The following ELMO1 variants were observed in gnomAD, a reference collection of about 807,000 sequenced individuals.
The protein encoded by ELMO1 is engulfment and cell motility 1, also known as engulfment and cell motility protein 1.
ELMO1 carries 26 observed loss-of-function variants against 98.9 expected under a neutral mutation model. That is an observed-to-expected ratio of 0.26 (90% CI 0.19 to 0.36). The LOEUF is 0.36. ELMO1 is among the 10% of genes least tolerant of loss of function. The probability of loss-of-function intolerance (pLI) is 1.00; values close to 1 mark genes in which losing one functional copy is unlikely to be tolerated. For synonymous variants in ELMO1, 346 were observed against 346.0 expected, an observed-to-expected ratio of 1.00 and a Z score of 0.00; for missense variants, 627 against 935.2, an observed-to-expected ratio of 0.67 and a Z score of 4.30.
At chr7:36,916,433 C>G (rs1784696618) in intron 16 of ELMO1, among the ~76,000 whole-genome samples, 1 of 152,208 alleles carries the variant, frequency 6.6e-6, no homozygotes, top group Non-Finnish European at 1.5e-5. Context: ...CCTACCTTAT[C>G]AGGTTTTATA....
At chr7:37,347,624 C>T (rs567579997) in intron 1 of ELMO1, among the ~76,000 whole-genome samples, 18 of 152,294 alleles carry the variant, frequency 1.2e-4, no homozygotes, top group Admixed American at 8.5e-4. Context: ...TGTCTGCCGC[C>T]ATGTAAGAGC....
chr7:37,314,984 T>A, intron 3 of ELMO1, 62 bp from the exon 4 acceptor site: 2 of 1,491,640 alleles, frequency 1.3e-6, no homozygotes, highest in Non-Finnish European at 1.8e-6. Context: ...TTTTTACAAT[T>A]TTTTAGTGTT....
chr7:36,895,798 T>G (rs564638597), intron 16 of ELMO1, among the ~76,000 whole-genome samples: 3 of 152,340 alleles, frequency 2.0e-5, no homozygotes, highest in East Asian at 3.9e-4. Context: ...GCTTGCTGCT[T>G]CTTTTTTCAC....
chr7:37,232,431 G>C (rs891779822), intron 8 of ELMO1, among the ~76,000 whole-genome samples: 1 of 152,204 alleles, frequency 6.6e-6, no homozygotes, highest in African/African-American at 2.4e-5. Context: ...ACAAGATCAA[G>C]ACTGTTTATT....
chr7:37,131,970 C>T (rs770928129), intron 14 of ELMO1, among the ~76,000 whole-genome samples: 17 of 152,150 alleles, frequency 1.1e-4, no homozygotes, highest in Non-Finnish European at 1.6e-4. Flanking sequence ...ACTGTGCCGA[C>T]GGTCCCATAG....
At chr7:37,390,667 A>G (rs1048157229) in intron 1 of ELMO1, among the ~76,000 whole-genome samples, 1 of 152,158 alleles carries the variant, frequency 6.6e-6, no homozygotes, top group African/African-American at 2.4e-5. Flanking sequence ...TCAAAGACTA[A>G]TGTCAGAGTT....
chr7:36,980,208 T>C (rs907874994), intron 16 of ELMO1, among the ~76,000 whole-genome samples: 3 of 152,200 alleles, frequency 2.0e-5, no homozygotes, highest in Non-Finnish European at 2.9e-5. Context: ...ATTCCCTGTA[T>C]GCTTCTTTTC....
At chr7:37,045,037 G>T (rs147293521) in intron 15 of ELMO1, among the ~76,000 whole-genome samples, 80 of 152,286 alleles carry the variant, frequency 5.3e-4, no homozygotes, top group African/African-American at 1.8e-3. Flanking sequence ...AGCTATGAAT[G>T]CTTTACTAGC....
intron 13 of ELMO1, among the ~76,000 whole-genome samples, chr7:37,189,538 C>T (rs1290449980): frequency 1.3e-5 from 2 of 152,062 alleles, no homozygotes; most frequent in Admixed American, 1.3e-4. Context: ...ACATCAAGAC[C>T]TCTGGGAAGG....
chr7:37,383,273 C>T (rs1334006917), intron 1 of ELMO1, among the ~76,000 whole-genome samples: 1 of 152,192 alleles, frequency 6.6e-6, no homozygotes, highest in Non-Finnish European at 1.5e-5. Flanking sequence ...GATAGTTCTT[C>T]ATTCTTTCTT....
At chr7:37,346,942 A>G (rs910137029) in intron 1 of ELMO1, among the ~76,000 whole-genome samples, 1 of 152,186 alleles carries the variant, frequency 6.6e-6, no homozygotes, top group Non-Finnish European at 1.5e-5. Context: ...GCTCCAGTGG[A>G]GAGTCAGAGG....
chr7:37,203,036 C>T (rs1283421730), intron 13 of ELMO1, among the ~76,000 whole-genome samples: 2 of 152,164 alleles, frequency 1.3e-5, no homozygotes, highest in African/African-American at 2.4e-5. Flanking sequence ...GAACCCACAA[C>T]GGTCCCTGGA....
At chr7:37,170,411 T>C (rs1790068352) in intron 13 of ELMO1, among the ~76,000 whole-genome samples, 1 of 152,200 alleles carries the variant, frequency 6.6e-6, no homozygotes, top group Non-Finnish European at 1.5e-5. Flanking sequence ...GAGCAGTTAC[T>C]AACCCTAGGC....
intron 15 of ELMO1, among the ~76,000 whole-genome samples, chr7:37,051,088 A>G (rs1359760306): frequency 6.6e-6 from 1 of 152,210 alleles, no homozygotes; most frequent in Non-Finnish European, 1.5e-5. Context: ...AATTGATCTG[A>G]GCCATTCTGT....
At chr7:37,361,094 A>G (rs1482759847) in intron 1 of ELMO1, among the ~76,000 whole-genome samples, 2 of 152,224 alleles carry the variant, frequency 1.3e-5, no homozygotes, top group African/African-American at 4.8e-5. Context: ...ACAGTTTGGT[A>G]CATTTTTAAA....
intron 13 of ELMO1, among the ~76,000 whole-genome samples, chr7:37,164,268 T>G (rs1584746290): frequency 6.6e-6 from 1 of 152,224 alleles, no homozygotes; most frequent in East Asian, 1.9e-4. Flanking sequence ...TTGTGAAAAT[T>G]TTCTCCCATT....
At chr7:37,417,476 T>C (rs12534741) in intron 1 of ELMO1, among the ~76,000 whole-genome samples, 95,180 of 151,950 alleles carry the variant, frequency 0.63, 30,192 homozygotes, top group East Asian at 0.77. Context: ...CTGGCTAACA[T>C]GGTGAAACCC....
chr7:37,155,493 A>ATAAAAAT (rs1303252280), intron 13 of ELMO1, among the ~76,000 whole-genome samples: 2,804 of 143,768 alleles, frequency 0.02, 57 homozygotes, highest in Middle Eastern at 0.032. Flanking sequence ...AAAGCAAAAA[A>ATAAAAAT]AAAAAAAAAA....
chr7:36,899,700 T>TTTTTTTTTTTTTTTTTC (rs60221089), intron 16 of ELMO1, among the ~76,000 whole-genome samples: 1 of 143,542 alleles, frequency 7.0e-6, no homozygotes, highest in African/African-American at 2.7e-5. Context: ...TTTTTTTTTT[T>TTTTTTTTTTTTTTTTTC]ACCACTCCTA....
Sources: allele counts gnomAD v4.1 joint callset (sites outside exome capture counted in the v4.1 genomes callset), GRCh38; gene constraint gnomAD v4.1.1; transcripts MANE v1.5; gene names NCBI Gene and HGNC (gene_info 2026-07-23, HGNC 2026-07-21).